Variants in PRKD1 observed in about 807,000 individuals in gnomAD.
PRKD1 encodes serine/threonine-protein kinase D1.
A neutral mutation model predicts 95.9 loss-of-function variants in PRKD1; 63 were observed. The observed-to-expected ratio is 0.66, with a 90% CI of 0.54 to 0.81. The LOEUF (loss-of-function observed/expected upper bound fraction) is 0.81, where lower values mean the gene tolerates loss of function less well. PRKD1 is among the 30% of genes least tolerant of loss of function. The pLI is 0.00. For synonymous variants in PRKD1, 425 were observed against 423.1 expected (o/e 1.00, Z -0.05); for missense variants, 1,048 against 1,165.3 (o/e 0.90, Z 1.47).
At chr14:29,745,341 C>T (rs931205928) in intron 1 of PRKD1, among the ~76,000 whole-genome samples, 7 of 152,118 alleles carry the variant, frequency 4.6e-5, no homozygotes, top group Non-Finnish European at 8.8e-5. Context: ...ACTGTTGTAT[C>T]CCAAGAGACT....
intron 2 of PRKD1, among the ~76,000 whole-genome samples, chr14:29,689,268 G>GAA (rs199959754): frequency 3.4e-5 from 5 of 147,994 alleles, no homozygotes; most frequent in African/African-American, 1.2e-4. Flanking sequence ...AAATTTACAA[G>GAA]AAAAAAAAAA....
In PRKD1 at chr14:29,626,481, T is replaced by C. The variant is rs376007281; in HGVS notation, c.1798+3A>G. 6.2e-7 allele frequency: 1 copy of C among 1,607,964 alleles called. No homozygotes were observed. The highest frequency in any genetic ancestry group is 1.3e-5 in the African/African-American group (1 of 74,630). On this transcript the variant is annotated splice_donor_region_variant and intron_variant, in intron 12 of 17. Coordinates refer to ENST00000331968, the MANE Select transcript of PRKD1 (RefSeq NM_002742.3). ...CATAAAAATACTCAGTGAGATAACC[T>C]ACCTCCATAAACAATTCCAAACTGT...
chr14:29,727,823 T>G (rs1886235470), intron 1 of PRKD1, among the ~76,000 whole-genome samples: 1 of 151,548 alleles, frequency 6.6e-6, no homozygotes, highest in Non-Finnish European at 1.5e-5. Flanking sequence ...TGGAATACTA[T>G]GCAGCCATAA....
chr14:29,610,688 C>T (rs550118318), intron 13 of PRKD1, among the ~76,000 whole-genome samples: 32 of 152,292 alleles, frequency 2.1e-4, no homozygotes, highest in Non-Finnish European at 2.6e-4. Context: ...TTAAAACTTA[C>T]GTTCACACAG....
chr14:29,757,178 A>G (rs1887742420), intron 1 of PRKD1, among the ~76,000 whole-genome samples: 4 of 152,208 alleles, frequency 2.6e-5, no homozygotes, highest in Non-Finnish European at 5.9e-5. Flanking sequence ...GAAGGAAAAA[A>G]TAACTGAAGT....
intron 2 of PRKD1, among the ~76,000 whole-genome samples, chr14:29,680,773 GA>G (rs1359259090): frequency 5.9e-5 from 9 of 152,186 alleles, no homozygotes; most frequent in Non-Finnish European, 1.2e-4. Context: ...ACTGCCTGTT[GA>G]TGAAAATGAG....
At chr14:29,845,531 A>G (rs887944873) in intron 1 of PRKD1, among the ~76,000 whole-genome samples, 8 of 152,184 alleles carry the variant, frequency 5.3e-5, no homozygotes, top group African/African-American at 1.9e-4. Context: ...GATAGAAATA[A>G]ATGTACAATT....
chr14:29,629,120 A>C (rs779011502), intron 10 of PRKD1, 27 bp from the exon 11 acceptor site: 1 of 1,588,440 alleles, frequency 6.3e-7, no homozygotes, highest in African/African-American at 1.3e-5. Flanking sequence ...AACAATATGC[A>C]CACAAAAAGT....
chr14:29,867,490 G>A (rs1027011047), intron 1 of PRKD1, among the ~76,000 whole-genome samples: 1 of 152,222 alleles, frequency 6.6e-6, no homozygotes, highest in Admixed American at 6.5e-5. Context: ...AGTGTTGCTG[G>A]AATTCAATGG....
chr14:29,713,460 A>G (rs549416792), intron 2 of PRKD1, among the ~76,000 whole-genome samples: 6 of 152,292 alleles, frequency 3.9e-5, no homozygotes, highest in African/African-American at 1.4e-4. Context: ...AAGTATAACA[A>G]TAAAGTTATA....
chr14:29,831,448 G>GTT (rs1230003339), intron 1 of PRKD1, among the ~76,000 whole-genome samples: 1 of 131,252 alleles, frequency 7.6e-6, no homozygotes, highest in African/African-American at 2.6e-5. Context: ...TAGAATGTTT[G>GTT]GTTTTTTTTT....
At chr14:29,656,532 G>A (rs1399214961) in intron 4 of PRKD1, 5 of 1,532,210 alleles carry the variant, frequency 3.3e-6, no homozygotes, top group Non-Finnish European at 3.5e-6. Flanking sequence ...CAAAAAGCAG[G>A]CAAAGGTGCA....
At chr14:29,684,143 G>GTTTTTTTTTTTTTT (rs11285857) in intron 2 of PRKD1, among the ~76,000 whole-genome samples, 5 of 135,792 alleles carry the variant, frequency 3.7e-5, no homozygotes, top group Non-Finnish European at 4.7e-5. Flanking sequence ...CTTTAGAATG[G>GTTTTTTTTTTTTTT]TTTTTTTTTT....
intron 2 of PRKD1, among the ~76,000 whole-genome samples, chr14:29,691,236 T>C (rs1361936183): frequency 6.6e-6 from 1 of 152,202 alleles, no homozygotes; most frequent in Admixed American, 6.5e-5. Context: ...ATCCAAACTA[T>C]GTAGAACACC....
chr14:29,707,222 T>C (rs1009908475), intron 2 of PRKD1, among the ~76,000 whole-genome samples: 2 of 152,120 alleles, frequency 1.3e-5, no homozygotes, highest in African/African-American at 4.8e-5. Context: ...CAATCCAGGC[T>C]TTAGAAGTTA....
At chr14:29,611,205 T>G (rs1451517576) in intron 13 of PRKD1, among the ~76,000 whole-genome samples, 1 of 152,072 alleles carries the variant, frequency 6.6e-6, no homozygotes, top group Non-Finnish European at 1.5e-5. Flanking sequence ...ACCACTGTGG[T>G]GGGGGATATT....
chr14:29,630,260 C>T (rs1172411996), intron 10 of PRKD1, among the ~76,000 whole-genome samples: 1 of 152,100 alleles, frequency 6.6e-6, no homozygotes, highest in Non-Finnish European at 1.5e-5. Flanking sequence ...CTGCCTCAGC[C>T]TCCAGAGTAG....
At position 29,673,572 on chromosome 14, in the gene PRKD1, G is replaced by A. The variant is rs566788451; in HGVS notation, c.404-7364C>T. On this transcript the variant is annotated intron_variant, in intron 2 of 17. Transcript: ENST00000331968. ...CACTGAATATTGCCACCCCTTAATTGTTTATCTGTTCACACATAACATTAC... is the reference window on the plus strand; with the variant it reads ...CACTGAATATTGCCACCCCTTAATTATTTATCTGTTCACACATAACATTAC... Among the ~76,000 whole-genome samples, 3 of 152,230 alleles carry A rather than the reference G, an allele frequency of 2.0e-5. No homozygotes were observed. The South Asian group carries it at 6.2e-4, about 32-fold the overall frequency.
chr14:29,905,151 A>G lies in PRKD1; in HGVS notation c.264+22098T>C, dbSNP rs45621731. ...TGTAACTTCTACAGTCACCCCTGAG[A>G]AGGGTTTGGCGCTCAACCGAGGGGA... On this transcript the variant is annotated intron_variant, in intron 1 of 17. Transcript: ENST00000331968. Among the ~76,000 whole-genome samples the G allele has an allele frequency of 1.0e-2, 1,522 of 152,246 alleles. 22 individuals carry two copies. The highest frequency in any genetic ancestry group is 0.035 in the African/African-American group (1,441 of 41,544).
Sources: gnomAD v4.1 joint callset for allele counts (sites outside exome capture counted in the v4.1 genomes callset) on GRCh38, gnomAD v4.1.1 for gene constraint, MANE v1.5 for transcripts, NCBI Gene and HGNC (gene_info 2026-07-23, HGNC 2026-07-21) for gene names.